Variants in IQGAP3 observed in about 807,000 individuals in gnomAD.
IQGAP3 encodes ras GTPase-activating-like protein IQGAP3.
A neutral mutation model predicts 208.2 loss-of-function variants in IQGAP3; 165 were observed. The observed-to-expected ratio is 0.79, with a 90% CI of 0.70 to 0.90. The LOEUF is 0.90. Ranked by LOEUF, IQGAP3 falls within the 40% of genes least tolerant of loss-of-function variation. The probability of loss-of-function intolerance (pLI) is 0.00; values close to 1 mark genes in which losing one functional copy is unlikely to be tolerated. For synonymous variants in IQGAP3, 703 were observed against 803.6 expected (o/e 0.87, Z 2.12); for missense variants, 1,811 against 2,043.1 (o/e 0.89, Z 2.19).
At chr1:156,567,841 T>C (rs1676477547) in intron 2 of IQGAP3, among the ~76,000 whole-genome samples, 1 of 152,222 alleles carries the variant, frequency 6.6e-6, no homozygotes. Flanking sequence ...GAATGTTCTT[T>C]AGGATTTCAG....
rs752486044 is a variant in IQGAP3, at chr1:156,534,604, C to A, written c.3637G>T (p.Ala1213Ser). 6.2e-7 allele frequency: 1 copy of A among 1,612,388 alleles called. No homozygotes were observed. The highest frequency in any genetic ancestry group is 1.7e-5 in the Admixed American group (1 of 59,868). The change falls in exon 29 of 38, where the codon GCT becomes TCT. Residue 1213 changes from alanine to serine, a missense_variant. Transcript: ENST00000361170. Reference sequence around the variant, plus strand: ...GCCGCAGCGTGCTGTAGGAGCTGAGCCACAGCCCCCAGGGCATGGCGCTGG... The same window carrying A: ...GCCGCAGCGTGCTGTAGGAGCTGAGACACAGCCCCCAGGGCATGGCGCTGG... ...APQRHALGAV[A>S]QLLQHAAAGK... is the part of the protein sequence containing the mutation.
At chr1:156,548,006 C>G in intron 19 of IQGAP3, 67 bp downstream of exon 19, 1 of 1,390,138 alleles carries the variant, frequency 7.2e-7, no homozygotes, top group Non-Finnish European at 9.8e-7. Context: ...AAAAAGGAAG[C>G]AGCGTGGATA....
Position 156,540,667 on chromosome 1 carries a change from C to A in IQGAP3, c.2739+41G>T, listed in dbSNP as rs768609329. 8 of 1,539,302 alleles carry A rather than the reference C, an allele frequency of 5.2e-6. No individual in the cohort carries two copies. The East Asian group carries it at 1.8e-4, about 35-fold the overall frequency. ...ATGGTCAGCATCACATCTCCAGAGG[C>A]AGGCAGATCTCGGGGAGGGGAGGAC... is the stretch of plus-strand genomic sequence containing the variant. On this transcript the variant is annotated intron_variant, in intron 23 of 37. Coordinates refer to ENST00000361170, the MANE Select transcript of IQGAP3 (RefSeq NM_178229.5).
In IQGAP3 at chr1:156,549,851, T is replaced by G. The variant is rs534473784; in HGVS notation, c.1825+410A>C. 2.6e-5 allele frequency among the ~76,000 whole-genome samples: 4 copies of G among 152,276 alleles called. No individual in the cohort carries two copies. The South Asian group carries it at 8.3e-4, about 32-fold the overall frequency. On this transcript the variant is annotated intron_variant, in intron 16 of 37. Transcript: ENST00000361170. The stretch of plus-strand genomic sequence containing the variant: ...CTATTTGCACTGAGTCTGCCTGTTT[T>G]CCTCAAACTCCTGCCAATTCCTCTT...
Position 156,533,818 on chromosome 1 carries a change from G to A in IQGAP3, c.3931C>T (p.Leu1311Phe). The change falls in exon 31 of 38, where the codon CTC becomes TTC. Residue 1311 changes from leucine to phenylalanine, a missense_variant. Coordinates refer to ENST00000361170, the MANE Select transcript of IQGAP3 (RefSeq NM_178229.5). ...APDHQDPLHE[L>F]LEDLGELPTI... ...GGCAGCTCCCCAAGATCCTCCAGGA[G>A]CTCATGCAGGGGGTCTTGGTGATCA... 1 of 1,613,748 alleles carries A rather than the reference G, an allele frequency of 6.2e-7. No individual in the cohort carries two copies. The highest frequency in any genetic ancestry group is 2.2e-5 in the East Asian group (1 of 44,876).
intron 29 of IQGAP3, 36 bp downstream of exon 29, chr1:156,534,465 G>C: frequency 7.0e-7 from 1 of 1,435,922 alleles, no homozygotes; most frequent in Non-Finnish European, 9.5e-7. Flanking sequence ...GTGAGAAGAG[G>C]GAAGAAAGGG....
rs751899861 is a variant in IQGAP3, at chr1:156,538,813, G to A, written c.3277C>T (p.Arg1093Cys). 1.4e-5 allele frequency: 22 copies of A among 1,613,454 alleles called. No homozygotes were observed. The highest frequency in any genetic ancestry group is 2.7e-5 in the African/African-American group (2 of 74,896). The change falls in exon 26 of 38, where the codon CGC (arginine) becomes TGC (cysteine). Residue 1093 changes from arginine (R) to cysteine (C), a missense_variant. Physicochemically the swap from Arg to Cys is radical, Grantham distance 180. Transcript: ENST00000361170. ...INQTEAQTGQRSHLPYDVTPE... is the reference protein window; with the variant it reads ...INQTEAQTGQCSHLPYDVTPE... ...TCCCTCTGCCCATGTGCTCACCTGC[G>A]CTGCCCTGTCTGGGCCTCAGTCTGG...
At position 156,537,254 on chromosome 1, in the gene IQGAP3, T is replaced by A. The variant is rs1270936994; in HGVS notation, c.3349A>T (p.Ile1117Phe). Residue 1117 changes from isoleucine to phenylalanine, a missense_variant, in exon 27 of 38, where the codon ATC becomes TTC. Coordinates refer to ENST00000361170, the MANE Select transcript of IQGAP3 (RefSeq NM_178229.5). Reference protein sequence around the residue: ...SHPEVQRRLDIALRNLLAMTD... With the variant: ...SHPEVQRRLDFALRNLLAMTD... ...ATGGCGAGGAGGTTGCGTAGGGCGA[T>A]GTCCAGTCGTCTCTGGACCTCGGGG... The A allele has an allele frequency of 6.2e-7, 1 of 1,613,964 alleles. No homozygotes were observed. The highest frequency in any genetic ancestry group is 8.5e-7 in the Non-Finnish European group (1 of 1,179,870).
At chr1:156,547,980 T>G in intron 19 of IQGAP3, 93 bp downstream of exon 19, 1 of 1,175,148 alleles carries the variant, frequency 8.5e-7, no homozygotes, top group Non-Finnish European at 1.2e-6. Flanking sequence ...GGCCGAAAGG[T>G]CATTCCCATG....
chr1:156,542,837 A>C (rs968669268), intron 22 of IQGAP3, among the ~76,000 whole-genome samples: 4 of 152,110 alleles, frequency 2.6e-5, no homozygotes, highest in Non-Finnish European at 4.4e-5. Context: ...GCTACTCAGG[A>C]GGCTGAGATG....
At chr1:156,571,356 TG>T (rs1557950421) in intron 1 of IQGAP3, among the ~76,000 whole-genome samples, 1 of 149,946 alleles carries the variant, frequency 6.7e-6, no homozygotes, top group Admixed American at 6.6e-5. Flanking sequence ...CAGCACTTAA[TG>T]TCATTCCCGG....
At chr1:156,560,248 T>C (rs1366770534) in intron 11 of IQGAP3, among the ~76,000 whole-genome samples, 5 of 151,692 alleles carry the variant, frequency 3.3e-5, no homozygotes, top group Admixed American at 1.3e-4. Flanking sequence ...CAGTGACTCA[T>C]ACCTGTAATC....
intron 11 of IQGAP3, 70 bp downstream of exon 11, chr1:156,560,864 A>G: frequency 1.8e-6 from 2 of 1,104,630 alleles, no homozygotes. Flanking sequence ...GAAGCCAGCA[A>G]AGAGGTGGGA....
rs1255021562 is a variant in IQGAP3 at position 156,565,377 on chromosome 1, G to A, written c.360+650C>T. 1.3e-5 allele frequency among the ~76,000 whole-genome samples: 2 copies of A among 152,304 alleles called. 1 individual carries two copies. The highest frequency in any genetic ancestry group is 1.3e-4 in the Admixed American group (2 of 15,298). ...CCACTGAAGACACATGACCTCTATT[G>A]CTTCTGCCTCCCATCGAAGTGTCTT... On this transcript the variant is annotated intron_variant, in intron 4 of 37. Transcript: ENST00000361170.
intron 11 of IQGAP3, among the ~76,000 whole-genome samples, chr1:156,559,323 G>A (rs1676041729): frequency 1.3e-5 from 2 of 152,196 alleles, no homozygotes; most frequent in Non-Finnish European, 1.5e-5. Context: ...CAGCTCCAAG[G>A]TGGAGCCGTT....
In IQGAP3 at chr1:156,528,034, GTGATGTCAAAGA is replaced by G; in HGVS notation, c.4688_4699del (p.Ile1563_Ile1566del). ...AAACTTTCCTGCCTCATCTCCCGGC[GTGATGTCAAAGA>G]TGACGTTTCTGAAGCTGTCAGGAAC... On this transcript the variant is annotated inframe_deletion, in exon 37 of 38. Coordinates refer to ENST00000361170, the MANE Select transcript of IQGAP3 (RefSeq NM_178229.5). 2 of 1,614,028 alleles carry G rather than the reference GTGATGTCAAAGA, an allele frequency of 1.2e-6. 1 individual carries two copies. Among genetic ancestry groups the G allele is most frequent in the Middle Eastern group, 3.3e-4 (2 of 6,062 alleles).
intron 27 of IQGAP3, 21 bp downstream of exon 27, chr1:156,537,160 G>A (rs370914858): frequency 6.2e-7 from 1 of 1,608,660 alleles, no homozygotes; most frequent in African/African-American, 1.3e-5. Context: ...GCGTAGGCTG[G>A]GGTGGGGCTG....
Position 156,539,446 on chromosome 1 carries a change from T to C in IQGAP3, c.2984A>G (p.Asn995Ser), listed in dbSNP as rs745879821. 2 of 1,614,106 alleles carry C rather than the reference T, an allele frequency of 1.2e-6. No individual in the cohort carries two copies. The highest frequency in any genetic ancestry group is 1.3e-5 in the African/African-American group (1 of 75,022). The change falls in exon 25 of 38, where the codon AAC becomes AGC. Residue 995 changes from asparagine to serine, a missense_variant. Asn to Ser is a conservative substitution (Grantham distance 46). Coordinates refer to ENST00000361170, the MANE Select transcript of IQGAP3 (RefSeq NM_178229.5). ...FMEAVIFSLYNYASSRREAYL... is the reference protein window; with the variant it reads ...FMEAVIFSLYSYASSRREAYL... Reference sequence around the variant, plus strand: ...GGCCTCTCGGCGGCTGGAGGCATAGTTGTACAGGCTGAAAATCACTGCCTC... The same window carrying C: ...GGCCTCTCGGCGGCTGGAGGCATAGCTGTACAGGCTGAAAATCACTGCCTC...
chr1:156,564,470 A>C (rs1293969959), intron 5 of IQGAP3, 145 bp downstream of exon 5: 10 of 688,520 alleles, frequency 1.5e-5, no homozygotes, highest in Non-Finnish European at 2.4e-5. Flanking sequence ...TCTAAACACA[A>C]CTCTGTAAAT....
Sources: gnomAD v4.1 joint callset for allele counts (sites outside exome capture counted in the v4.1 genomes callset) on GRCh38, gnomAD v4.1.1 for gene constraint, MANE v1.5 for transcripts, NCBI Gene and HGNC (gene_info 2026-07-23, HGNC 2026-07-21) for gene names.